CDH13: variants seen among roughly 807,000 people sequenced by gnomAD.
CDH13 encodes cadherin 13.
A neutral mutation model predicts 63.8 loss-of-function variants in CDH13; 24 were observed. That is an observed-to-expected ratio of 0.38 (90% CI 0.27 to 0.53). The LOEUF (loss-of-function observed/expected upper bound fraction) is 0.53, where lower values mean the gene tolerates loss of function less well. Among genes scored for constraint, CDH13 ranks in the 20% least tolerant of loss-of-function variants. The pLI, the probability that CDH13 is intolerant of heterozygous loss-of-function variation, is 0.85. For missense variants in CDH13, 1,049 were observed against 903.1 expected, an observed-to-expected ratio of 1.16 and a Z score of -2.07; for synonymous variants, 503 against 355.3, an observed-to-expected ratio of 1.42 and a Z score of -4.67.
At chr16:83,018,776 T>C (rs1915057802) in intron 2 of CDH13, among the ~76,000 whole-genome samples, 1 of 152,226 alleles carries the variant, frequency 6.6e-6, no homozygotes, top group Admixed American at 6.5e-5. Flanking sequence ...TACTAACATA[T>C]ATAGCACGGT....
chr16:83,571,818 G>A (rs1321812402), intron 7 of CDH13, among the ~76,000 whole-genome samples: 1 of 152,134 alleles, frequency 6.6e-6, no homozygotes, highest in Non-Finnish European at 1.5e-5. Context: ...CTAGGTGCCT[G>A]AGCTAGAAAC....
chr16:83,615,795 C>T (rs1909232396), intron 8 of CDH13, among the ~76,000 whole-genome samples: 1 of 152,144 alleles, frequency 6.6e-6, no homozygotes, highest in African/African-American at 2.4e-5. Context: ...TCCAAGGACT[C>T]TAAGAGATCA....
intron 6 of CDH13, among the ~76,000 whole-genome samples, chr16:83,459,027 A>G (rs1421748691): frequency 1.3e-5 from 2 of 152,254 alleles, no homozygotes; most frequent in Non-Finnish European, 2.9e-5. Context: ...GTCAATTCCA[A>G]CAAACACACT....
intron 4 of CDH13, among the ~76,000 whole-genome samples, chr16:83,174,762 G>T (rs34421285): frequency 0.048 from 7,319 of 152,128 alleles, 262 homozygotes; most frequent in Non-Finnish European, 0.06. Context: ...CTACATGGTT[G>T]GGGAGGCCTT....
chr16:83,128,399 T>C (rs1422185402), intron 4 of CDH13, among the ~76,000 whole-genome samples: 1 of 152,208 alleles, frequency 6.6e-6, no homozygotes, highest in Non-Finnish European at 1.5e-5. Context: ...GCCAGGAATC[T>C]GCGTTTTTAC....
chr16:83,514,769 A>T (rs893270046), intron 7 of CDH13, among the ~76,000 whole-genome samples: 3 of 152,226 alleles, frequency 2.0e-5, no homozygotes, highest in Admixed American at 2.0e-4. Flanking sequence ...ACCACGGGTC[A>T]CCAGCAAACA....
chr16:83,494,169 G>A (rs2074082932), intron 7 of CDH13, among the ~76,000 whole-genome samples: 1 of 152,090 alleles, frequency 6.6e-6, no homozygotes, highest in Non-Finnish European at 1.5e-5. Context: ...ATATGGTAAA[G>A]ATAATTTGCA....
intron 7 of CDH13, among the ~76,000 whole-genome samples, chr16:83,565,022 C>G (rs919920020): frequency 6.6e-6 from 1 of 152,190 alleles, no homozygotes. Flanking sequence ...GCAGAGGCAA[C>G]TTCTCATTTT....
At chr16:83,607,793 A>G (rs1209042266) in intron 8 of CDH13, among the ~76,000 whole-genome samples, 1 of 152,230 alleles carries the variant, frequency 6.6e-6, no homozygotes, top group Non-Finnish European at 1.5e-5. Flanking sequence ...TTCTTACATA[A>G]GGTATTTTGA....
intron 7 of CDH13, among the ~76,000 whole-genome samples, chr16:83,596,142 C>A (rs1227052910): frequency 6.6e-6 from 1 of 152,156 alleles, no homozygotes; most frequent in African/African-American, 2.4e-5. Flanking sequence ...ATGGGGTTGA[C>A]CTTGATAATG....
intron 1 of CDH13, among the ~76,000 whole-genome samples, chr16:82,855,085 T>G (rs1000336596): frequency 6.6e-5 from 10 of 152,228 alleles, no homozygotes; most frequent in African/African-American, 2.4e-4. Context: ...AACTTTAATT[T>G]TGACTGGTAG....
intron 2 of CDH13, among the ~76,000 whole-genome samples, chr16:82,922,429 G>C (rs1252889671): frequency 6.6e-6 from 1 of 152,182 alleles, no homozygotes; most frequent in Admixed American, 6.6e-5. Context: ...ACTCAGATTA[G>C]TGTATAGAAG....
At chr16:83,527,421 C>G (rs2074989502) in intron 7 of CDH13, among the ~76,000 whole-genome samples, 1 of 151,846 alleles carries the variant, frequency 6.6e-6, no homozygotes, top group Non-Finnish European at 1.5e-5. Context: ...TGCACTCCAG[C>G]CTGGGCGACA....
chr16:83,574,390 C>G (rs1189720671), intron 7 of CDH13, among the ~76,000 whole-genome samples: 2 of 152,146 alleles, frequency 1.3e-5, no homozygotes, highest in African/African-American at 2.4e-5. Context: ...GAGAGCCCTC[C>G]AGGCCCTCAG....
intron 3 of CDH13, among the ~76,000 whole-genome samples, chr16:83,112,351 A>T (rs1567840837): frequency 6.6e-6 from 1 of 152,188 alleles, no homozygotes; most frequent in Admixed American, 6.5e-5. Context: ...GCAAGCAAAC[A>T]GGCTTTGAGA....
chr16:82,905,579 C>G (rs776716499), intron 2 of CDH13, among the ~76,000 whole-genome samples: 2 of 152,052 alleles, frequency 1.3e-5, no homozygotes, highest in African/African-American at 2.4e-5. Flanking sequence ...CCACATTTTC[C>G]TTAACCAGTA....
Position 83,560,959 on chromosome 16 carries a change from G to A in CDH13, c.961-41495G>A, listed in dbSNP as rs904461085. 2.6e-5 allele frequency among the ~76,000 whole-genome samples: 4 copies of A among 152,208 alleles called. No individual in the cohort carries two copies. In the South Asian group the frequency reaches 8.3e-4, roughly 32 times the overall value. On this transcript the variant is annotated intron_variant, in intron 7 of 13. Transcript: ENST00000567109. The stretch of plus-strand genomic sequence containing the variant: ...GATTAACCTGGAAGGGAAAGGGTAT[G>A]TCTAGCAAATTAGAACAAGTAAGAA...
At chr16:83,532,043 G>A (rs555365887) in intron 7 of CDH13, among the ~76,000 whole-genome samples, 1 of 152,166 alleles carries the variant, frequency 6.6e-6, no homozygotes, top group African/African-American at 2.4e-5. Flanking sequence ...GCTTGTGATA[G>A]TGAGGAAGTC....
At chr16:82,823,570 C>T (rs933717123) in intron 1 of CDH13, 10 of 152,216 alleles carry the variant, frequency 6.6e-5, no homozygotes, top group Non-Finnish European at 1.2e-4. Flanking sequence ...TATTTTAAAA[C>T]GCAGTTATTT....
Sources: allele counts gnomAD v4.1 joint callset (sites outside exome capture counted in the v4.1 genomes callset), GRCh38; gene constraint gnomAD v4.1.1; transcripts MANE v1.5; gene names NCBI Gene and HGNC (gene_info 2026-07-23, HGNC 2026-07-21).